Variants in HTR7 observed in about 807,000 individuals in gnomAD.
HTR7 encodes the protein 5-hydroxytryptamine receptor 7.
HTR7 carries 16 observed loss-of-function variants against 34.0 expected under a neutral mutation model. That is an observed-to-expected ratio of 0.47 (90% CI 0.32 to 0.71). The LOEUF (loss-of-function observed/expected upper bound fraction) is 0.71, where lower values mean the gene tolerates loss of function less well. Ranked by LOEUF, HTR7 falls within the 30% of genes least tolerant of loss-of-function variation. HTR7 has a pLI of 0.04. For missense variants in HTR7, 504 were observed against 625.5 expected, an observed-to-expected ratio of 0.81 and a Z score of 2.07; for synonymous variants, 265 against 260.2, an observed-to-expected ratio of 1.02 and a Z score of -0.18.
chr10:90,807,489 T>A (rs1589458937), intron 1 of HTR7, among the ~76,000 whole-genome samples: 1 of 152,314 alleles, frequency 6.6e-6, no homozygotes, highest in East Asian at 1.9e-4. Context: ...GAAATTCCTT[T>A]TCCTGGCTCA....
At chr10:90,810,229 T>A (rs1402342572) in intron 1 of HTR7, among the ~76,000 whole-genome samples, 2 of 152,196 alleles carry the variant, frequency 1.3e-5, no homozygotes, top group Non-Finnish European at 2.9e-5. Flanking sequence ...TGACTATTCC[T>A]GGGCTACAGC....
chr10:90,834,295 G>A (rs2120065191), intron 1 of HTR7, among the ~76,000 whole-genome samples: 1 of 152,140 alleles, frequency 6.6e-6, no homozygotes, highest in East Asian at 1.9e-4. Context: ...GTCTACTGGG[G>A]AGGCAGACTC....
intron 1 of HTR7, among the ~76,000 whole-genome samples, chr10:90,810,092 C>A (rs1355789603): frequency 3.9e-5 from 6 of 152,124 alleles, no homozygotes; most frequent in Admixed American, 1.3e-4. Context: ...GGTTTCTAAA[C>A]CTCTTAAAAC....
intron 1 of HTR7, among the ~76,000 whole-genome samples, chr10:90,788,573 C>A (rs1845416945): frequency 6.6e-6 from 1 of 152,188 alleles, no homozygotes; most frequent in Non-Finnish European, 1.5e-5. Flanking sequence ...TGGAACTCAA[C>A]TCTCTTTGCA....
At chr10:90,744,106 T>C (rs1361324728) in intron 2 of HTR7, among the ~76,000 whole-genome samples, 2 of 151,308 alleles carry the variant, frequency 1.3e-5, no homozygotes, top group Non-Finnish European at 1.5e-5. Flanking sequence ...GCCCAGAAGC[T>C]AGATGGGAGG....
intron 1 of HTR7, among the ~76,000 whole-genome samples, chr10:90,817,354 C>A (rs1194667189): frequency 6.6e-6 from 1 of 152,176 alleles, no homozygotes. Context: ...CAAAAGACTA[C>A]TAGCTTATCT....
At chr10:90,802,819 T>C (rs1845649539) in intron 1 of HTR7, among the ~76,000 whole-genome samples, 1 of 152,180 alleles carries the variant, frequency 6.6e-6, no homozygotes, top group Admixed American at 6.5e-5. Context: ...GATATTTGTA[T>C]GACTTTTGCC....
intron 1 of HTR7, among the ~76,000 whole-genome samples, chr10:90,802,451 C>T (rs1011824371): frequency 4.6e-5 from 7 of 152,152 alleles, no homozygotes; most frequent in Non-Finnish European, 1.0e-4. Context: ...CCTCTATGCC[C>T]TCTCCAGGAA....
intron 1 of HTR7, among the ~76,000 whole-genome samples, chr10:90,770,808 C>T (rs1245631421): frequency 6.6e-6 from 1 of 152,212 alleles, no homozygotes; most frequent in East Asian, 1.9e-4. Context: ...CAGAAAGGCT[C>T]CTGGGCAGAA....
intron 2 of HTR7, among the ~76,000 whole-genome samples, chr10:90,746,455 T>C (rs1376584606): frequency 1.3e-5 from 2 of 152,186 alleles, no homozygotes; most frequent in Admixed American, 6.5e-5. Flanking sequence ...CTTTATACAC[T>C]GGCTGCTTAA....
intron 1 of HTR7, among the ~76,000 whole-genome samples, chr10:90,768,357 C>T (rs1023483651): frequency 1.3e-5 from 2 of 152,270 alleles, no homozygotes; most frequent in African/African-American, 4.8e-5. Context: ...TTTATTTCAT[C>T]AAATATGAAA....
intron 1 of HTR7, among the ~76,000 whole-genome samples, chr10:90,786,019 C>T (rs1301827363): frequency 1.3e-5 from 2 of 152,182 alleles, no homozygotes; most frequent in African/African-American, 4.8e-5. Context: ...GCTTTCATAC[C>T]ACCTGGCTTC....
chr10:90,774,605 G>A (rs1458835230), intron 1 of HTR7, among the ~76,000 whole-genome samples: 1 of 152,158 alleles, frequency 6.6e-6, no homozygotes, highest in Admixed American at 6.5e-5. Context: ...AAATAAGAAT[G>A]ATTTATTAAG....
At chr10:90,840,748 T>A (rs891866820) in intron 1 of HTR7, among the ~76,000 whole-genome samples, 7 of 152,206 alleles carry the variant, frequency 4.6e-5, no homozygotes, top group African/African-American at 1.7e-4. Context: ...AACAAAAGAC[T>A]TCACCTACAC....
At chr10:90,835,657 G>A (rs1846242743) in intron 1 of HTR7, among the ~76,000 whole-genome samples, 1 of 152,160 alleles carries the variant, frequency 6.6e-6, no homozygotes, top group Non-Finnish European at 1.5e-5. Flanking sequence ...AGAAAACACA[G>A]ATAAATAAGA....
Position 90,769,415 on chromosome 10 carries a change from G to A in HTR7, c.540-19821C>T, listed in dbSNP as rs548091828. Among the ~76,000 whole-genome samples, 136 of 152,198 alleles carry A rather than the reference G, an allele frequency of 8.9e-4. 2 individuals are homozygous for A. In the South Asian group the frequency reaches 0.028, roughly 31 times the overall value. On this transcript the variant is annotated intron_variant, in intron 1 of 3. Transcript: ENST00000336152. ...CCATTTCCATTAATCTTCCCCCAAAGCAATCAACTAACAAACGTGTTTAAT... is the reference window on the plus strand; with the variant it reads ...CCATTTCCATTAATCTTCCCCCAAAACAATCAACTAACAAACGTGTTTAAT...
At chr10:90,785,677 G>A (rs1032135432) in intron 1 of HTR7, among the ~76,000 whole-genome samples, 5 of 152,170 alleles carry the variant, frequency 3.3e-5, no homozygotes, top group Admixed American at 1.3e-4. Context: ...AGTACTGAGC[G>A]TCCAGAACTC....
chr10:90,844,984 G>C (rs1334399682), intron 1 of HTR7, among the ~76,000 whole-genome samples: 1 of 152,064 alleles, frequency 6.6e-6, no homozygotes, highest in East Asian at 1.9e-4. Flanking sequence ...TGAAGACCCA[G>C]AGACCCCCAA....
chr10:90,809,436 G>T (rs576274380), intron 1 of HTR7, among the ~76,000 whole-genome samples: 2 of 152,268 alleles, frequency 1.3e-5, no homozygotes, highest in East Asian at 3.9e-4. Flanking sequence ...TCAAAAGGCT[G>T]TCTTATTCTC....
Sources: gnomAD v4.1 joint callset for allele counts (sites outside exome capture counted in the v4.1 genomes callset) on GRCh38, gnomAD v4.1.1 for gene constraint, MANE v1.5 for transcripts, NCBI Gene and HGNC (gene_info 2026-07-23, HGNC 2026-07-21) for gene names.